ACSL6: variants seen among roughly 807,000 people sequenced by gnomAD.
ACSL6 encodes the protein long-chain-fatty-acid--CoA ligase 6.
ACSL6 carries 47 observed loss-of-function variants against 98.2 expected under a neutral mutation model. The ratio of observed to expected loss-of-function variants is 0.48; its 90% CI spans 0.38 to 0.61. The LOEUF (loss-of-function observed/expected upper bound fraction) is 0.61. Ranked by LOEUF, ACSL6 falls within the 20% of genes least tolerant of loss-of-function variation. The pLI is 0.00. For synonymous variants in ACSL6, 362 were observed against 336.9 expected (o/e 1.07, Z -0.82); for missense variants, 761 against 913.4 (o/e 0.83, Z 2.15).
chr5:131,957,532 A>G (rs1369668336), intron 20 of ACSL6, among the ~76,000 whole-genome samples: 2 of 152,236 alleles, frequency 1.3e-5, no homozygotes, highest in Admixed American at 1.3e-4. Context: ...ATTAAATTAC[A>G]TCATTTGTTT....
chr5:131,977,460 G>A lies in ACSL6; in HGVS notation c.917-739C>T, dbSNP rs534740432. 1.1e-4 allele frequency among the ~76,000 whole-genome samples: 17 copies of A among 152,216 alleles called. No homozygotes were observed. In the South Asian group the frequency reaches 1.7e-3, roughly 15 times the overall value. ...TAGATACAATCCCAAAGTTCCTGCC[G>A]GACAGATCTGACAGGGCTCAAATCC... On this transcript the variant is annotated intron_variant, in intron 9 of 20. Coordinates refer to ENST00000651883, the MANE Select transcript of ACSL6 (RefSeq NM_001009185.3).
At chr5:132,005,496 C>T (rs563060028) in intron 1 of ACSL6, among the ~76,000 whole-genome samples, 116 of 152,368 alleles carry the variant, frequency 7.6e-4, no homozygotes, top group African/African-American at 2.5e-3. Context: ...GCTCACATGC[C>T]ACCTTGCTGA....
chr5:131,964,384 A>C (rs757804163), intron 17 of ACSL6, among the ~76,000 whole-genome samples: 3 of 152,260 alleles, frequency 2.0e-5, no homozygotes, highest in Non-Finnish European at 4.4e-5. Flanking sequence ...AGCTGCAATA[A>C]ATTTTAATTA....
At chr5:132,006,933 A>G (rs189980920) in intron 1 of ACSL6, 1 of 152,344 alleles carries the variant, frequency 6.6e-6, no homozygotes, top group East Asian at 1.9e-4. Context: ...CACAGAGCCT[A>G]GCATCCTAGC....
Position 132,011,536 on chromosome 5 carries a change from G to C in ACSL6, c.18C>G (p.Leu6=), listed in dbSNP as rs768870249. MLTFF[L]VSGGSLWLFV... is the part of the protein sequence containing the mutation. Reference sequence around the variant, plus strand: ...ATAGCCAGAGGGAGCCCCCCGACACGAGGAAGAAGGTCAGCATGGCGGTCA... The same window carrying C: ...ATAGCCAGAGGGAGCCCCCCGACACCAGGAAGAAGGTCAGCATGGCGGTCA... The change falls in exon 1 of 21, where the codon CTC becomes CTG. Residue 6 remains leucine (L), a synonymous_variant. Coordinates refer to ENST00000651883, the MANE Select transcript of ACSL6 (RefSeq NM_001009185.3). The surrounding 1 kb of genome is among the most constrained non-coding windows in gnomAD (Gnocchi z 5.4). The C allele has an allele frequency of 1.9e-6, 3 of 1,603,354 alleles. No individual in the cohort carries two copies. Among genetic ancestry groups the C allele is most frequent in the African/African-American group, 2.7e-5 (2 of 73,780 alleles).
chr5:132,005,161 G>GA (rs1422211652), intron 1 of ACSL6, among the ~76,000 whole-genome samples: 3 of 151,160 alleles, frequency 2.0e-5, no homozygotes, highest in Non-Finnish European at 4.4e-5. Flanking sequence ...TCAAAAAAAA[G>GA]AAAAAAGAAA....
intron 9 of ACSL6, among the ~76,000 whole-genome samples, chr5:131,978,260 C>T (rs1022061971): frequency 6.6e-6 from 1 of 152,128 alleles, no homozygotes; most frequent in Non-Finnish European, 1.5e-5. Context: ...CAAGAGTACA[C>T]CAAAGACAGA....
upstream of ACSL6, chr5:132,012,068 T>G (rs936750010): frequency 4.4e-6 from 5 of 1,135,436 alleles, no homozygotes; most frequent in East Asian, 1.2e-4. Flanking sequence ...CAGGCTCGAA[T>G]GGCAGCCGGG....
intron 13 of ACSL6, among the ~76,000 whole-genome samples, chr5:131,972,149 A>T (rs770244066): frequency 4.0e-4 from 61 of 152,346 alleles, no homozygotes; most frequent in Middle Eastern, 3.4e-3. Context: ...GATATTTTAA[A>T]TATTAATTTT....
chr5:131,992,159 C>A (rs1379026877), intron 2 of ACSL6, among the ~76,000 whole-genome samples: 1 of 152,170 alleles, frequency 6.6e-6, no homozygotes, highest in Non-Finnish European at 1.5e-5. Flanking sequence ...GCACCACATG[C>A]AAATGCACCG....
intron 16 of ACSL6, among the ~76,000 whole-genome samples, chr5:131,966,801 T>G (rs1753038529): frequency 6.6e-6 from 1 of 152,234 alleles, no homozygotes; most frequent in Admixed American, 6.5e-5. Context: ...CCCTCTGGCC[T>G]TGGCCACATG....
chr5:131,976,831 T>C, intron 9 of ACSL6, 110 bp from the exon 10 acceptor site: 5 of 876,740 alleles, frequency 5.7e-6, no homozygotes, highest in Non-Finnish European at 9.5e-6. Context: ...CCCAAGCCTC[T>C]GGCCTTTGTC....
rs555522109 is a variant in ACSL6 at position 131,985,168 on chromosome 5, A to T, written c.916+239T>A. 4.4e-5 allele frequency: 24 copies of T among 546,690 alleles called. No individual in the cohort carries two copies. In the East Asian group the frequency reaches 6.2e-4, roughly 14 times the overall value. The allele number at this position is 546,690 out of a possible 1,614,324, so 33.9% of individuals were successfully genotyped here. On this transcript the variant is annotated intron_variant, in intron 9 of 20. Coordinates refer to ENST00000651883, the MANE Select transcript of ACSL6 (RefSeq NM_001009185.3). Reference sequence around the variant, plus strand: ...CAGCTGCCCATGACTCTGCTGACTCAGCTCTGGGAGGTGCCAAGCCCTCAC... The same window carrying T: ...CAGCTGCCCATGACTCTGCTGACTCTGCTCTGGGAGGTGCCAAGCCCTCAC...
intron 20 of ACSL6, among the ~76,000 whole-genome samples, chr5:131,958,699 T>C (rs958270365): frequency 6.6e-6 from 1 of 152,170 alleles, no homozygotes; most frequent in Non-Finnish European, 1.5e-5. Context: ...ATTAAAGCAC[T>C]GTAAGAGTTT....
chr5:131,986,970 T>TACCCACACACTCACACACACACACACAC (rs1754226665), intron 7 of ACSL6, 116 bp from the exon 8 acceptor site: 2 of 913,370 alleles, frequency 2.2e-6, no homozygotes, highest in Admixed American at 4.2e-5. Context: ...CACACACACA[T>TACCCACACACTCACACACACACACACAC]ACCCACACAC....
chr5:131,963,079 T>C (rs886427996), intron 17 of ACSL6, among the ~76,000 whole-genome samples: 8 of 152,094 alleles, frequency 5.3e-5, no homozygotes, highest in African/African-American at 1.7e-4. Flanking sequence ...CATCTTTGGT[T>C]CACTCCCTTA....
chr5:131,976,573 CAAAT>C, intron 10 of ACSL6, 71 bp downstream of exon 10: 2 of 1,265,502 alleles, frequency 1.6e-6, no homozygotes, highest in Non-Finnish European at 2.2e-6. Flanking sequence ...AGAAAACAAA[CAAAT>C]AAAAAAAAAT....
At chr5:131,987,050 A>G (rs954878666) in intron 7 of ACSL6, among the ~76,000 whole-genome samples, 196 bp from the exon 8 acceptor site, 1 of 152,012 alleles carries the variant, frequency 6.6e-6, no homozygotes, top group African/African-American at 2.4e-5. Context: ...TCCTGCACCA[A>G]TCCCAGAGTT....
intron 5 of ACSL6, 131 bp downstream of exon 5, chr5:131,989,275 TG>T: frequency 1.2e-6 from 1 of 850,592 alleles, no homozygotes; most frequent in Non-Finnish European, 1.9e-6. Flanking sequence ...GGAAGAGGAG[TG>T]GTGGCATAGC....
Sources: gnomAD v4.1 joint callset for allele counts (sites outside exome capture counted in the v4.1 genomes callset) on GRCh38, gnomAD v4.1.1 for gene constraint, Gnocchi (gnomAD v3.1) non-coding constraint, MANE v1.5 for transcripts, NCBI Gene and HGNC (gene_info 2026-07-23, HGNC 2026-07-21) for gene names.